The following BRAF variants were observed in gnomAD, a reference collection of about 807,000 sequenced individuals.
BRAF encodes serine/threonine-protein kinase B-raf.
A neutral mutation model predicts 104.6 loss-of-function variants in BRAF; 16 were observed. The ratio of observed to expected loss-of-function variants is 0.15; its 90% CI spans 0.10 to 0.23. BRAF has a LOEUF of 0.23. Ranked by LOEUF, BRAF falls within the 10% of genes least tolerant of loss-of-function variation. BRAF has a pLI of 1.00. For missense variants in BRAF, 541 were observed against 937.3 expected, an observed-to-expected ratio of 0.58 and a Z score of 5.52; for synonymous variants, 310 against 341.6, an observed-to-expected ratio of 0.91 and a Z score of 1.02.
intron 8 of BRAF, among the ~76,000 whole-genome samples, chr7:140,788,292 G>C (rs973644722): frequency 7.2e-5 from 11 of 152,148 alleles, no homozygotes; most frequent in African/African-American, 2.7e-4. Flanking sequence ...AGAAGAAAAA[G>C]TGATATGCAC....
intron 3 of BRAF, among the ~76,000 whole-genome samples, chr7:140,818,221 C>G (rs1384164041): frequency 6.6e-6 from 1 of 151,636 alleles, no homozygotes; most frequent in Non-Finnish European, 1.5e-5. Flanking sequence ...TAATATGAAG[C>G]AAATATAACA....
chr7:140,833,385 A>C (rs1806992669), intron 3 of BRAF, among the ~76,000 whole-genome samples: 2 of 152,162 alleles, frequency 1.3e-5, no homozygotes, highest in African/African-American at 4.8e-5. Context: ...GACAATAAAG[A>C]ATTAATTTAA....
chr7:140,882,274 T>C (rs1277109895), intron 1 of BRAF, among the ~76,000 whole-genome samples: 3 of 152,180 alleles, frequency 2.0e-5, no homozygotes, highest in Non-Finnish European at 4.4e-5. Flanking sequence ...TGTAAGCAAG[T>C]TATAGGTCCA....
chr7:140,865,080 A>ATTT (rs558097762), intron 1 of BRAF, among the ~76,000 whole-genome samples: 3 of 144,748 alleles, frequency 2.1e-5, no homozygotes, highest in African/African-American at 5.1e-5. Flanking sequence ...GAGGAAATGA[A>ATTT]TTTTTTTTTT....
chr7:140,722,860 A>T lies in BRAF; in HGVS notation c.*3634T>A, dbSNP rs186837020. ...TTAAGATTCTGAAACGTACCCCTAA[A>T]CCGGTTCTGGCACCACTTTCAACAA... On this transcript the variant is annotated 3_prime_UTR_variant, in exon 20 of 20. Coordinates refer to ENST00000644969, the MANE Select transcript of BRAF (RefSeq NM_001374258.1). 1,695 of 1,054,396 alleles carry T rather than the reference A, an allele frequency of 1.6e-3. 3 individuals carry two copies. The highest frequency in any genetic ancestry group is 2.1e-3 in the Middle Eastern group (5 of 2,334). 65.3% of individuals were successfully genotyped at this position (1,054,396 alleles called of 1,614,324 possible).
intron 7 of BRAF, among the ~76,000 whole-genome samples, chr7:140,797,981 G>C (rs1200760174): frequency 1.3e-5 from 2 of 152,172 alleles, no homozygotes; most frequent in African/African-American, 4.8e-5. Context: ...CACAACGGCT[G>C]CATTTTCCAG....
chr7:140,794,284 G>A, intron 8 of BRAF, 24 bp downstream of exon 8: 1 of 1,611,696 alleles, frequency 6.2e-7, no homozygotes, highest in Non-Finnish European at 8.5e-7. Flanking sequence ...TTTTTTTTTA[G>A]TTCTAGCAAT....
In BRAF at chr7:140,723,269, CA is replaced by C; in HGVS notation, c.*3224del. 9.5e-7 allele frequency: 1 copy of C among 1,056,584 alleles called. No individual in the cohort carries two copies. The highest frequency in any genetic ancestry group is 5.3e-5 in the East Asian group (1 of 18,980). 65.5% of individuals were successfully genotyped at this position (1,056,584 alleles called of 1,614,324 possible). On this transcript the variant is annotated 3_prime_UTR_variant, in exon 20 of 20. Coordinates refer to ENST00000644969, the MANE Select transcript of BRAF (RefSeq NM_001374258.1). Reference sequence around the variant, plus strand: ...TGTGATGAAAGTGCTGTCACCGCACCAAACCAGAAGCTAGGAAATATTTACA... The same window carrying C: ...TGTGATGAAAGTGCTGTCACCGCACCAACCAGAAGCTAGGAAATATTTACA...
In BRAF at chr7:140,723,549, A is replaced by T; in HGVS notation, c.*2945T>A. On this transcript the variant is annotated 3_prime_UTR_variant, in exon 20 of 20. Transcript: ENST00000644969. Reference sequence around the variant, plus strand: ...GATCACACTGAATTTTCTATTCACAAATCCCTTTTATAAACTATTTTTTTG... The same window carrying T: ...GATCACACTGAATTTTCTATTCACATATCCCTTTTATAAACTATTTTTTTG... 9.5e-7 allele frequency: 1 copy of T among 1,050,008 alleles called. No homozygotes were observed. Among genetic ancestry groups the T allele is most frequent in the Non-Finnish European group, 1.1e-6 (1 of 869,796 alleles). The allele number at this position is 1,050,008 out of a possible 1,614,324, so 65.0% of individuals were successfully genotyped here. A position where few individuals can be genotyped will look rare whatever the true frequency, so the allele number is the denominator to read the frequency against.
chr7:140,808,116 A>C, intron 4 of BRAF, 54 bp from the exon 5 acceptor site: 1 of 1,354,570 alleles, frequency 7.4e-7, no homozygotes, highest in Middle Eastern at 1.8e-4. Context: ...AAATATTCAT[A>C]TACCTCATGC....
chr7:140,791,194 C>A (rs1426086094), intron 8 of BRAF, among the ~76,000 whole-genome samples: 1 of 152,196 alleles, frequency 6.6e-6, no homozygotes, highest in Non-Finnish European at 1.5e-5. Flanking sequence ...CATTCCTTCA[C>A]AGCCAAGCTT....
At chr7:140,719,280 G>A (rs1049254066), downstream of BRAF, 1 of 800,760 alleles carries the variant, frequency 1.2e-6, no homozygotes, top group African/African-American at 1.9e-5. Context: ...TAAAACTGCT[G>A]ACTACTTTTG....
Position 140,724,461 on chromosome 7 carries a change from AC to A in BRAF, c.*2032del. 9.5e-7 allele frequency: 1 copy of A among 1,054,214 alleles called. No homozygotes were observed. Among genetic ancestry groups the A allele is most frequent in the East Asian group, 5.4e-5 (1 of 18,672 alleles). 65.3% of individuals were successfully genotyped at this position (1,054,214 alleles called of 1,614,324 possible). A position where few individuals can be genotyped will look rare whatever the true frequency, so the allele number is the denominator to read the frequency against. On this transcript the variant is annotated 3_prime_UTR_variant, in exon 20 of 20. Coordinates refer to ENST00000644969, the MANE Select transcript of BRAF (RefSeq NM_001374258.1). ...CTTCAAATCAGCGTGAATTATTTCC[AC>A]CTTTGCAATTTCTGAATTTTGTAAG...
chr7:140,827,268 G>C lies in BRAF; in HGVS notation c.504+7341C>G, dbSNP rs999957709. 9.9e-5 allele frequency among the ~76,000 whole-genome samples: 15 copies of C among 152,268 alleles called. 1 individual carries two copies. Among genetic ancestry groups the C allele is most frequent in the Admixed American group, 9.2e-4 (14 of 15,298 alleles). On this transcript the variant is annotated intron_variant, in intron 3 of 19. Transcript: ENST00000644969. ...TGCATGTCTTACAACTTGAGATCTT[G>C]AGATAGTCAGTAAAGCATTATTTCT...
At chr7:140,749,207 A>G (rs1480569203) in intron 17 of BRAF, 80 bp downstream of exon 16, 1 of 1,579,172 alleles carries the variant, frequency 6.3e-7, no homozygotes, top group Non-Finnish European at 8.7e-7. Context: ...ACGCTTACCC[A>G]GGAGTTAACA....
At chr7:140,840,105 C>T (rs545873295) in intron 2 of BRAF, among the ~76,000 whole-genome samples, 35 of 152,210 alleles carry the variant, frequency 2.3e-4, no homozygotes, top group Non-Finnish European at 3.5e-4. Context: ...GAAGCCTGTA[C>T]GTCTTCTTCC....
chr7:140,860,482 GA>G (rs914335146), intron 1 of BRAF, among the ~76,000 whole-genome samples: 3 of 99,362 alleles, frequency 3.0e-5, no homozygotes, highest in African/African-American at 3.0e-4. Context: ...AAAAAAAAAA[GA>G]AAAAAAAGAA....
chr7:140,718,515 G>A (rs1795186673), downstream of BRAF, among the ~76,000 whole-genome samples: 1 of 150,300 alleles, frequency 6.7e-6, no homozygotes, highest in Non-Finnish European at 1.5e-5. Flanking sequence ...CTCCCAAAGT[G>A]CTGGGATTAC....
Position 140,720,390 on chromosome 7 carries a change from AT to A in BRAF, c.*6103del. 9.4e-7 allele frequency: 1 copy of A among 1,062,358 alleles called. No homozygotes were observed. Among genetic ancestry groups the A allele is most frequent in the Non-Finnish European group, 1.1e-6 (1 of 877,438 alleles). 65.8% of individuals were successfully genotyped at this position (1,062,358 alleles called of 1,614,324 possible). On this transcript the variant is annotated 3_prime_UTR_variant, in exon 20 of 20. Coordinates refer to ENST00000644969, the MANE Select transcript of BRAF (RefSeq NM_001374258.1). ...ACAGCACAGAGACATACACCCCTGT[AT>A]GTAAACTAACATAACATGAAGATAA...
Sources: gnomAD v4.1 joint callset for allele counts (sites outside exome capture counted in the v4.1 genomes callset) on GRCh38, gnomAD v4.1.1 for gene constraint, MANE v1.5 for transcripts, NCBI Gene and HGNC (gene_info 2026-07-23, HGNC 2026-07-21) for gene names.